The following C16orf96 variants were observed in gnomAD, a reference collection of about 807,000 sequenced individuals.
C16orf96 encodes uncharacterized protein C16orf96.
C16orf96 carries 108 observed loss-of-function variants against 103.6 expected under a neutral mutation model. The ratio of observed to expected loss-of-function variants is 1.04; its 90% CI spans 0.89 to 1.22. The LOEUF is 1.22. Among genes scored for constraint, C16orf96 ranks in the 50% most tolerant of loss-of-function variants. The pLI is 0.00. For missense variants in C16orf96, 1,586 were observed against 1,464.2 expected (o/e 1.08, Z -1.36); for synonymous variants, 566 against 593.5 (o/e 0.95, Z 0.67).
At position 4,580,044 on chromosome 16, in the gene C16orf96, C is replaced by G; in HGVS notation, c.2271C>G (p.Asn757Lys). 6.4e-7 allele frequency: 1 copy of G among 1,551,188 alleles called. No homozygotes were observed. The highest frequency in any genetic ancestry group is 8.7e-7 in the Non-Finnish European group (1 of 1,146,778). The change falls in exon 7 of 16, where the codon AAC (asparagine) becomes AAG (lysine). Residue 757 changes from asparagine to lysine, a missense_variant. Coordinates refer to ENST00000444310, the MANE Select transcript of C16orf96 (RefSeq NM_001145011.2). ...AAGAACTTGAGAGAATTTGGGGCAACCAAATAGAGATGATGAAGGATCGCT... is the reference window on the plus strand; with the variant it reads ...AAGAACTTGAGAGAATTTGGGGCAAGCAAATAGAGATGATGAAGGATCGCT... ...KEEELERIWG[N>K]QIEMMKDRYI... is the part of the protein sequence containing the mutation.
chr16:4,587,767 T>G (rs1896963418), intron 8 of C16orf96, among the ~76,000 whole-genome samples: 2 of 151,662 alleles, frequency 1.3e-5, no homozygotes, highest in African/African-American at 4.8e-5. Flanking sequence ...AGATCACATC[T>G]CTACAAAAAA....
chr16:4,569,592 C>A (rs750650975), intron 1 of C16orf96, among the ~76,000 whole-genome samples: 46 of 150,488 alleles, frequency 3.1e-4, no homozygotes, highest in South Asian at 4.2e-4. Flanking sequence ...ATTAGCAGGG[C>A]GTGGTGGTGT....
Position 4,589,418 on chromosome 16 carries a change from C to CAA in C16orf96, c.2592+1100_2592+1101dup, listed in dbSNP as rs34683174. Among the ~76,000 whole-genome samples, 126 of 146,732 alleles carry CAA rather than the reference C, an allele frequency of 8.6e-4. 3 individuals carry two copies. Among genetic ancestry groups the CAA allele is most frequent in the African/African-American group, 2.6e-3 (104 of 39,668 alleles). On this transcript the variant is annotated intron_variant, in intron 9 of 15. Coordinates refer to ENST00000444310, the MANE Select transcript of C16orf96 (RefSeq NM_001145011.2). ...ACATGGTGAAACTCTGTCCCCCTACCAAAAAAAAAAAAAAGCCAGGTGTGG... is the reference window on the plus strand; with the variant it reads ...ACATGGTGAAACTCTGTCCCCCTACCAAAAAAAAAAAAAAAAGCCAGGTGTGG...
In C16orf96 at chr16:4,575,675, TG is replaced by T; in HGVS notation, c.1197del (p.Trp399CysfsTer12). The T allele has an allele frequency of 1.3e-6, 2 of 1,535,382 alleles. No individual in the cohort carries two copies. The highest frequency in any genetic ancestry group is 2.0e-5 in the Admixed American group (1 of 48,910). On this transcript the variant is annotated frameshift_variant, in exon 5 of 16. Coordinates refer to ENST00000444310, the MANE Select transcript of C16orf96 (RefSeq NM_001145011.2). LOFTEE classifies it high-confidence loss of function. Reference sequence around the variant, plus strand: ...AAGACGCTGGCCTCTTCCCCAAGGCTGGCCCAGGGTGGGCTCTTGGCCTCTG... The same window carrying T: ...AAGACGCTGGCCTCTTCCCCAAGGCTGCCCAGGGTGGGCTCTTGGCCTCTG... ...LPRRWPLPQGWPRVGSWPLWD... is the reference protein window; with the variant it reads ...LPRRWPLPQGXPRVGSWPLWD...
At chr16:4,591,250 C>A (rs1468966224) in intron 9 of C16orf96, among the ~76,000 whole-genome samples, 1 of 152,176 alleles carries the variant, frequency 6.6e-6, no homozygotes, top group Non-Finnish European at 1.5e-5. Context: ...GGTCACACAA[C>A]TCTGTAAATA....
intron 2 of C16orf96, among the ~76,000 whole-genome samples, chr16:4,574,372 C>T (rs2059475593): frequency 6.6e-6 from 1 of 152,184 alleles, no homozygotes; most frequent in African/African-American, 2.4e-5. Context: ...CAGGCGCATG[C>T]CATCAGGCCC....
intron 7 of C16orf96, among the ~76,000 whole-genome samples, chr16:4,585,312 ATCC>A (rs1896898567): frequency 9.1e-6 from 1 of 109,944 alleles, no homozygotes; most frequent in Non-Finnish European, 1.8e-5. Flanking sequence ...AAAAAAAAAA[ATCC>A]AGGTAGGTGG....
chr16:4,554,658 G>A (rs189361598), upstream of C16orf96, among the ~76,000 whole-genome samples: 492 of 138,104 alleles, frequency 3.6e-3, 2 homozygotes, highest in African/African-American at 0.012. Flanking sequence ...CCAGCCTATC[G>A]CCCTTCTTTG....
At chr16:4,568,169 T>A (rs901107230) in intron 1 of C16orf96, among the ~76,000 whole-genome samples, 1 of 152,090 alleles carries the variant, frequency 6.6e-6, no homozygotes, top group Admixed American at 6.6e-5. Context: ...GCTCCCAAAG[T>A]GCTGAATTAC....
At chr16:4,560,000 T>C (rs1053815344) in intron 1 of C16orf96, 1 of 152,086 alleles carries the variant, frequency 6.6e-6, no homozygotes, top group Non-Finnish European at 1.5e-5. Flanking sequence ...TGCCCTCAAA[T>C]TGCACACTTC....
chr16:4,560,146 T>G (rs1199557759), intron 1 of C16orf96: 1 of 152,056 alleles, frequency 6.6e-6, no homozygotes, highest in Non-Finnish European at 1.5e-5. Flanking sequence ...GCCTCCTGAG[T>G]AGCTGGAAAT....
At chr16:4,545,871 ACAGAATCTCGCTCTGTTGCCCAGG>A in the C16orf96 span, among the ~76,000 whole-genome samples, 1 of 151,706 alleles carries the variant, frequency 6.6e-6, no homozygotes, top group South Asian at 2.1e-4. Flanking sequence ...TTTTTTTGAG[ACAGAATCTCGCTCTGTTGCCCAGG>A]CTGGAGTGCA....
At chr16:4,584,354 A>ATTTTTTTTTTTTTTTTTT (rs71139648) in intron 7 of C16orf96, among the ~76,000 whole-genome samples, 5 of 92,730 alleles carry the variant, frequency 5.4e-5, no homozygotes, top group African/African-American at 1.7e-4. Flanking sequence ...TGCCTGGCTA[A>ATTTTTTTTTTTTTTTTTT]TTTTTTTTTT....
chr16:4,563,352 C>T (rs962557434), intron 1 of C16orf96, among the ~76,000 whole-genome samples: 1 of 152,006 alleles, frequency 6.6e-6, no homozygotes, highest in Non-Finnish European at 1.5e-5. Flanking sequence ...CGGGCTCAAC[C>T]CTGGAGGCAA....
At chr16:4,559,781 A>G (rs920323791) in intron 1 of C16orf96, among the ~76,000 whole-genome samples, 1 of 152,142 alleles carries the variant, frequency 6.6e-6, no homozygotes, top group Non-Finnish European at 1.5e-5. Context: ...AACCCCTGAC[A>G]ACCACTAATC....
chr16:4,570,966 C>A (rs572545719), intron 1 of C16orf96, among the ~76,000 whole-genome samples: 1 of 152,032 alleles, frequency 6.6e-6, no homozygotes, highest in Non-Finnish European at 1.5e-5. Context: ...CTCAGGAATT[C>A]GAGACCAGCC....
chr16:4,578,583 C>T (rs1023868184), intron 5 of C16orf96, among the ~76,000 whole-genome samples: 7 of 152,168 alleles, frequency 4.6e-5, no homozygotes, highest in Non-Finnish European at 7.4e-5. Flanking sequence ...CATGGTGAAA[C>T]CCTGTCTCTA....
At chr16:4,578,904 C>T (rs1287328109) in intron 5 of C16orf96, 36 bp from the exon 6 acceptor site, 22 of 1,511,478 alleles carry the variant, frequency 1.5e-5, no homozygotes, top group Middle Eastern at 1.7e-4. Flanking sequence ...TTCCTCCATC[C>T]GAGCCCTCAG....
At chr16:4,563,232 C>G in intron 1 of C16orf96, 3 of 531,334 alleles carry the variant, frequency 5.6e-6, no homozygotes, top group South Asian at 3.4e-5. Context: ...CCCTCTTGCT[C>G]GTTCGCTCAT....
Sources: allele counts gnomAD v4.1 joint callset (sites outside exome capture counted in the v4.1 genomes callset), GRCh38; gene constraint gnomAD v4.1.1; transcripts MANE v1.5; gene names NCBI Gene and HGNC (gene_info 2026-07-23, HGNC 2026-07-21).